Variants in DOK5 observed in about 807,000 individuals in gnomAD.
DOK5 encodes the protein docking protein 5.
In DOK5, 27 loss-of-function variants were observed where a neutral mutation model predicts 43.3. The observed-to-expected ratio is 0.62, with a 90% CI of 0.46 to 0.86. DOK5 has a LOEUF of 0.86. Among genes scored for constraint, DOK5 ranks in the 40% least tolerant of loss-of-function variants. DOK5 has a pLI of 0.00. For synonymous variants in DOK5, 146 were observed against 140.1 expected (o/e 1.04, Z -0.30); for missense variants, 373 against 392.9 (o/e 0.95, Z 0.43).
chr20:54,517,111 A>G (rs1465489532), intron 1 of DOK5, among the ~76,000 whole-genome samples: 1 of 152,218 alleles, frequency 6.6e-6, no homozygotes, highest in Non-Finnish European at 1.5e-5. Context: ...GAATTAGCAG[A>G]GCTGATTTGA....
chr20:54,491,119 T>C (rs940608150), intron 1 of DOK5, among the ~76,000 whole-genome samples: 3 of 152,204 alleles, frequency 2.0e-5, no homozygotes, highest in African/African-American at 4.8e-5. Flanking sequence ...TCCTTTTTAA[T>C]TGCATGCAGA....
intron 2 of DOK5, among the ~76,000 whole-genome samples, chr20:54,569,206 G>A (rs1329877691): frequency 1.3e-5 from 2 of 152,068 alleles, no homozygotes; most frequent in African/African-American, 4.8e-5. Flanking sequence ...GGCTTCCGTA[G>A]GACACATTTG....
intron 6 of DOK5, among the ~76,000 whole-genome samples, chr20:54,634,575 G>A (rs1017796706): frequency 6.6e-6 from 1 of 151,034 alleles, no homozygotes; most frequent in Non-Finnish European, 1.5e-5. Flanking sequence ...CTGAGTAGCT[G>A]GGACTACAGG....
intron 1 of DOK5, among the ~76,000 whole-genome samples, chr20:54,478,500 G>A (rs1981529336): frequency 6.6e-6 from 1 of 152,192 alleles, no homozygotes; most frequent in South Asian, 2.1e-4. Context: ...ACTATATAGT[G>A]CATGGATGGT....
intron 2 of DOK5, among the ~76,000 whole-genome samples, chr20:54,567,627 A>G (rs1329567981): frequency 3.3e-5 from 5 of 151,898 alleles, no homozygotes; most frequent in African/African-American, 1.2e-4. Flanking sequence ...GATTCATTTC[A>G]CTTTATTCTC....
intron 2 of DOK5, among the ~76,000 whole-genome samples, chr20:54,557,057 C>T (rs538520477): frequency 3.7e-4 from 56 of 152,314 alleles, no homozygotes; most frequent in African/African-American, 1.3e-3. Context: ...TGTATGGAGA[C>T]TCTGAACACA....
Position 54,538,072 on chromosome 20 carries a change from C to T in DOK5, c.67-16861C>T, listed in dbSNP as rs2426533. ...CAGGCTGGTCTTGAACTCCTGACCTCATCCTCCTCCCGACTCGGCCTCCCA... is the reference window on the plus strand; with the variant it reads ...CAGGCTGGTCTTGAACTCCTGACCTTATCCTCCTCCCGACTCGGCCTCCCA... On this transcript the variant is annotated intron_variant, in intron 1 of 7. Transcript: ENST00000262593. 9.4e-3 allele frequency among the ~76,000 whole-genome samples: 1,425 copies of T among 152,056 alleles called. 31 individuals carry two copies. Among genetic ancestry groups the T allele is most frequent in the African/African-American group, 0.033 (1,366 of 41,472 alleles).
intron 1 of DOK5, among the ~76,000 whole-genome samples, chr20:54,548,548 C>T (rs528781843): frequency 3.4e-4 from 52 of 152,160 alleles, no homozygotes; most frequent in African/African-American, 1.2e-3. Flanking sequence ...GGATTAACTA[C>T]TATTTATAGC....
chr20:54,611,796 G>A (rs1407485212), intron 6 of DOK5, among the ~76,000 whole-genome samples: 1 of 152,160 alleles, frequency 6.6e-6, no homozygotes, highest in Non-Finnish European at 1.5e-5. Context: ...CATGTGGGGT[G>A]GTTGGATTTA....
At chr20:54,563,773 G>A (rs1711119393) in intron 2 of DOK5, among the ~76,000 whole-genome samples, 1 of 151,032 alleles carries the variant, frequency 6.6e-6, no homozygotes, top group African/African-American at 2.4e-5. Context: ...GAGAGAAACT[G>A]GAAGCAAAGA....
chr20:54,604,436 CT>C (rs560630784), intron 5 of DOK5, among the ~76,000 whole-genome samples: 55 of 151,936 alleles, frequency 3.6e-4, no homozygotes, highest in African/African-American at 1.3e-3. Flanking sequence ...TGTACATTTC[CT>C]TTTTTAATTG....
At chr20:54,537,373 T>C (rs1381068084) in intron 1 of DOK5, among the ~76,000 whole-genome samples, 2 of 152,110 alleles carry the variant, frequency 1.3e-5, no homozygotes, top group Admixed American at 1.3e-4. Flanking sequence ...AAACAATGAA[T>C]GCCAACACAG....
chr20:54,504,491 C>T (rs993265861), intron 1 of DOK5, among the ~76,000 whole-genome samples: 7 of 152,178 alleles, frequency 4.6e-5, no homozygotes, highest in Non-Finnish European at 8.8e-5. Context: ...AATGGAACTT[C>T]TCCTTGACTC....
chr20:54,510,480 T>G (rs192343081), intron 1 of DOK5, among the ~76,000 whole-genome samples: 2 of 152,210 alleles, frequency 1.3e-5, no homozygotes, highest in African/African-American at 4.8e-5. Context: ...TGCCAATCTC[T>G]TTAAACCACA....
intron 1 of DOK5, among the ~76,000 whole-genome samples, chr20:54,484,064 C>T (rs956573709): frequency 1.3e-5 from 2 of 152,152 alleles, no homozygotes; most frequent in African/African-American, 4.8e-5. Flanking sequence ...CTCCCACTTT[C>T]CACCTGCTAT....
At chr20:54,557,442 C>T (rs1041722135) in intron 2 of DOK5, among the ~76,000 whole-genome samples, 2 of 152,184 alleles carry the variant, frequency 1.3e-5, no homozygotes, top group African/African-American at 4.8e-5. Flanking sequence ...GGAATGCTTG[C>T]TCACCTTCTG....
intron 6 of DOK5, among the ~76,000 whole-genome samples, chr20:54,642,065 C>T (rs767328726): frequency 3.2e-4 from 49 of 152,166 alleles, no homozygotes; most frequent in Non-Finnish European, 6.6e-4. Flanking sequence ...GGCTCAGATA[C>T]GGGGGTGCCT....
chr20:54,496,024 ACAGG>A (rs1249990747), intron 1 of DOK5, among the ~76,000 whole-genome samples: 2 of 152,238 alleles, frequency 1.3e-5, no homozygotes, highest in Non-Finnish European at 2.9e-5. Flanking sequence ...TTTTAGAGAG[ACAGG>A]CACAGGATCA....
intron 2 of DOK5, among the ~76,000 whole-genome samples, chr20:54,583,396 T>C (rs1341616421): frequency 6.6e-6 from 1 of 152,172 alleles, no homozygotes. Flanking sequence ...TTAAGTTTAA[T>C]TGGTCTTCAG....
Sources: allele counts gnomAD v4.1 joint callset (sites outside exome capture counted in the v4.1 genomes callset), GRCh38; gene constraint gnomAD v4.1.1; transcripts MANE v1.5; gene names NCBI Gene and HGNC (gene_info 2026-07-23, HGNC 2026-07-21).